Variants in MARCHF1 observed in about 807,000 individuals in gnomAD.
MARCHF1 encodes the protein membrane associated ring-CH-type finger 1.
In MARCHF1, 40 loss-of-function variants were observed where a neutral mutation model predicts 54.2. That is an observed-to-expected ratio of 0.74 (90% CI 0.57 to 0.96). The LOEUF (loss-of-function observed/expected upper bound fraction) is 0.96, where lower values mean the gene tolerates loss of function less well. Among genes scored for constraint, MARCHF1 ranks in the 40% least tolerant of loss-of-function variants. The pLI, the probability that MARCHF1 is intolerant of heterozygous loss-of-function variation, is 0.00. For missense variants in MARCHF1, 586 were observed against 656.5 expected (o/e 0.89, Z 1.17); for synonymous variants, 236 against 236.3 (o/e 1.00, Z 0.01).
intron 1 of MARCHF1, among the ~76,000 whole-genome samples, chr4:164,258,255 G>T (rs899726149): frequency 6.6e-6 from 1 of 151,988 alleles, no homozygotes; most frequent in Non-Finnish European, 1.5e-5. Context: ...AGCAGGGTGG[G>T]GGAATAAGAG....
At chr4:164,272,175 A>G (rs1231679597) in intron 1 of MARCHF1, among the ~76,000 whole-genome samples, 1 of 152,044 alleles carries the variant, frequency 6.6e-6, no homozygotes, top group Non-Finnish European at 1.5e-5. Flanking sequence ...ATTACTGGTT[A>G]AAGTATAAAC....
intron 1 of MARCHF1, among the ~76,000 whole-genome samples, chr4:164,345,282 T>C (rs1411795925): frequency 6.6e-6 from 1 of 152,058 alleles, no homozygotes; most frequent in African/African-American, 2.4e-5. Context: ...AAATAAAATG[T>C]ATGGCTGGGC....
intron 5 of MARCHF1, among the ~76,000 whole-genome samples, chr4:163,633,430 T>C (rs1474535039): frequency 1.3e-5 from 2 of 151,984 alleles, no homozygotes; most frequent in Middle Eastern, 3.2e-3. Context: ...AACCAAGGCT[T>C]GAGAACTACG....
At chr4:163,940,976 G>A (rs1400276635) in intron 3 of MARCHF1, among the ~76,000 whole-genome samples, 1 of 151,964 alleles carries the variant, frequency 6.6e-6, no homozygotes, top group Non-Finnish European at 1.5e-5. Flanking sequence ...GTAAATTTGG[G>A]GAGACATAGA....
At chr4:164,378,899 G>T (rs1479169928) in intron 1 of MARCHF1, among the ~76,000 whole-genome samples, 2 of 152,056 alleles carry the variant, frequency 1.3e-5, no homozygotes, top group African/African-American at 4.8e-5. Context: ...TTTTAGTAGA[G>T]ATGGGGTTTC....
intron 8 of MARCHF1, among the ~76,000 whole-genome samples, chr4:163,549,357 A>C (rs188017846): frequency 5.2e-4 from 79 of 152,044 alleles, no homozygotes; most frequent in African/African-American, 5.5e-4. Context: ...AGAAGACGTT[A>C]TCTCTCCAAG....
chr4:163,756,915 A>T (rs1746692169), intron 4 of MARCHF1, among the ~76,000 whole-genome samples: 1 of 151,898 alleles, frequency 6.6e-6, no homozygotes, highest in Admixed American at 6.6e-5. Context: ...AAAGAAATGG[A>T]TATATTTTTT....
intron 2 of MARCHF1, among the ~76,000 whole-genome samples, chr4:163,990,369 T>G (rs891513747): frequency 2.6e-5 from 4 of 151,892 alleles, no homozygotes; most frequent in African/African-American, 4.8e-5. Flanking sequence ...AAAAAAAAAA[T>G]TACAGATGTT....
chr4:164,257,706 G>A (rs923712285), intron 1 of MARCHF1, among the ~76,000 whole-genome samples: 3 of 151,894 alleles, frequency 2.0e-5, no homozygotes, highest in Admixed American at 6.6e-5. Context: ...GGCAGCTCAC[G>A]CCTGTAATCC....
chr4:164,370,471 A>T (rs1230917042), intron 1 of MARCHF1, among the ~76,000 whole-genome samples: 1 of 152,244 alleles, frequency 6.6e-6, no homozygotes, highest in East Asian at 1.9e-4. Flanking sequence ...CTCTCTCACC[A>T]GTCTCCTGGT....
chr4:163,943,781 C>T (rs1166226024), intron 3 of MARCHF1, among the ~76,000 whole-genome samples: 4 of 149,008 alleles, frequency 2.7e-5, no homozygotes, highest in Non-Finnish European at 5.9e-5. Flanking sequence ...GACCACACCT[C>T]CATCCCTGGG....
intron 5 of MARCHF1, among the ~76,000 whole-genome samples, chr4:163,644,426 A>T (rs1742675591): frequency 6.6e-6 from 1 of 152,070 alleles, no homozygotes; most frequent in Non-Finnish European, 1.5e-5. Flanking sequence ...CAACTTAATG[A>T]CCCACTAAAC....
chr4:164,298,648 C>A (rs1478443102), intron 1 of MARCHF1, among the ~76,000 whole-genome samples: 1 of 152,106 alleles, frequency 6.6e-6, no homozygotes, highest in Non-Finnish European at 1.5e-5. Flanking sequence ...CACTCAACTC[C>A]TACCAGAGAT....
intron 1 of MARCHF1, among the ~76,000 whole-genome samples, chr4:164,117,183 G>A (rs956627218): frequency 6.6e-6 from 1 of 151,934 alleles, no homozygotes; most frequent in Admixed American, 6.6e-5. Flanking sequence ...GCTTGAAGCT[G>A]GATGGCAGAG....
intron 1 of MARCHF1, among the ~76,000 whole-genome samples, chr4:164,331,362 T>C (rs1735429531): frequency 6.6e-6 from 1 of 152,160 alleles, no homozygotes; most frequent in Non-Finnish European, 1.5e-5. Flanking sequence ...AAGTATTCTT[T>C]CAAATGCTTT....
intron 1 of MARCHF1, chr4:164,197,466 C>T (rs1233222475): frequency 6.2e-7 from 1 of 1,613,526 alleles, no homozygotes; most frequent in African/African-American, 1.3e-5. Flanking sequence ...GGTTTGGACA[C>T]TTTTCTGCCA....
intron 7 of MARCHF1, among the ~76,000 whole-genome samples, chr4:163,612,008 C>T (rs1741358185): frequency 6.6e-6 from 1 of 152,038 alleles, no homozygotes; most frequent in Admixed American, 6.6e-5. Context: ...CAAGACTCAG[C>T]TGAGTCAGCC....
chr4:163,717,015 C>T (rs1350147697), intron 4 of MARCHF1, among the ~76,000 whole-genome samples: 1 of 151,656 alleles, frequency 6.6e-6, no homozygotes, highest in Non-Finnish European at 1.5e-5. Flanking sequence ...TTTTATTATA[C>T]TTTAAGTTTT....
intron 7 of MARCHF1, among the ~76,000 whole-genome samples, chr4:163,602,802 A>G (rs1306382314): frequency 6.6e-6 from 1 of 152,136 alleles, no homozygotes; most frequent in Non-Finnish European, 1.5e-5. Flanking sequence ...TGTCAGTCTC[A>G]TTTTTGTACA....
Sources: allele counts gnomAD v4.1 joint callset (sites outside exome capture counted in the v4.1 genomes callset), GRCh38; gene constraint gnomAD v4.1.1; transcripts MANE v1.5; gene names NCBI Gene and HGNC (gene_info 2026-07-23, HGNC 2026-07-21).